HIP1: variants seen among roughly 807,000 people sequenced by gnomAD.
HIP1 encodes huntingtin-interacting protein 1.
A neutral mutation model predicts 147.6 loss-of-function variants in HIP1; 65 were observed. The ratio of observed to expected loss-of-function variants is 0.44; its 90% CI spans 0.36 to 0.54. The LOEUF (loss-of-function observed/expected upper bound fraction) is 0.54. HIP1 is among the 20% of genes least tolerant of loss of function. The pLI is 0.00. For missense variants in HIP1, 1,061 were observed against 1,299.6 expected, an observed-to-expected ratio of 0.82 and a Z score of 2.82; for synonymous variants, 479 against 504.0, an observed-to-expected ratio of 0.95 and a Z score of 0.67.
At chr7:75,636,724 A>G (rs587716392) in intron 1 of HIP1, among the ~76,000 whole-genome samples, 1 of 152,148 alleles carries the variant, frequency 6.6e-6, no homozygotes, top group East Asian at 1.9e-4. Flanking sequence ...ATCTAATATC[A>G]CTTTTGTTTG....
At chr7:75,550,394 T>A (rs1361693653) in intron 22 of HIP1, among the ~76,000 whole-genome samples, 1 of 152,144 alleles carries the variant, frequency 6.6e-6, no homozygotes, top group Admixed American at 6.6e-5. Flanking sequence ...TTCAAGAGCG[T>A]GGTTGTTGTG....
At chr7:75,630,742 T>C (rs1798185326) in intron 1 of HIP1, among the ~76,000 whole-genome samples, 2 of 152,276 alleles carry the variant, frequency 1.3e-5, no homozygotes, top group South Asian at 4.1e-4. Flanking sequence ...CCATCCTTTG[T>C]GCATTGCACC....
intron 1 of HIP1, among the ~76,000 whole-genome samples, chr7:75,668,316 C>CTTTTGTTGTGTATTG (rs1366081377): frequency 1.3e-5 from 2 of 152,070 alleles, no homozygotes; most frequent in Non-Finnish European, 2.9e-5. Flanking sequence ...GACTTCCCAA[C>CTTTTGTTGTGTATTG]TTTTGTTTTG....
At chr7:75,547,914 C>T in intron 23 of HIP1, 101 bp from the exon 24 acceptor site, 1 of 1,091,168 alleles carries the variant, frequency 9.2e-7, no homozygotes, top group South Asian at 1.2e-5. Flanking sequence ...AGCTGGGAAA[C>T]CTGAATCTGG....
chr7:75,570,878 C>T (rs587655094), intron 8 of HIP1, among the ~76,000 whole-genome samples: 21 of 151,832 alleles, frequency 1.4e-4, no homozygotes, highest in Admixed American at 1.1e-3. Flanking sequence ...GGCATGGTGG[C>T]GGGCACCTAT....
At chr7:75,607,074 T>A (rs1349252142) in intron 1 of HIP1, among the ~76,000 whole-genome samples, 18 of 150,510 alleles carry the variant, frequency 1.2e-4, no homozygotes, top group African/African-American at 2.0e-4. Flanking sequence ...TAAAAAAAAA[T>A]TTTTTTTTAA....
rs587658493 is a variant in HIP1, at chr7:75,595,211, T to C, written c.185-2697A>G. Among the ~76,000 whole-genome samples, 4 of 76,676 alleles carry C rather than the reference T, an allele frequency of 5.2e-5. No individual in the cohort carries two copies. In the South Asian group the frequency reaches 2.0e-3, roughly 39 times the overall value. The allele number at this position is 76,676 out of a possible 152,430, so 50.3% of individuals were successfully genotyped here. A position where few individuals can be genotyped will look rare whatever the true frequency, so the allele number is the denominator to read the frequency against. On this transcript the variant is annotated intron_variant, in intron 2 of 30. Coordinates refer to ENST00000336926, the MANE Select transcript of HIP1 (RefSeq NM_005338.7). ...TCCTTTCTTTCTTTCTTTCTTTCTT[T>C]CTTTCTTTCTTTCTTTCTTTCTTTC... is the stretch of plus-strand genomic sequence containing the variant.
chr7:75,663,664 G>A (rs1554513953), intron 1 of HIP1, among the ~76,000 whole-genome samples: 2 of 151,652 alleles, frequency 1.3e-5, no homozygotes, highest in Non-Finnish European at 2.9e-5. Flanking sequence ...TGTACTAGAT[G>A]AGTCCTGACC....
chr7:75,713,837 A>G (rs1192139443), intron 1 of HIP1, among the ~76,000 whole-genome samples: 4 of 150,826 alleles, frequency 2.7e-5, no homozygotes, highest in Admixed American at 1.3e-4. Context: ...AGTAGCTGGG[A>G]CTACAGGCGT....
chr7:75,638,995 G>T (rs532101458), intron 1 of HIP1: 1 of 759,288 alleles, frequency 1.3e-6, no homozygotes, highest in Non-Finnish European at 1.6e-6. Flanking sequence ...AAGGGAGGGC[G>T]CCAGGGCTGG....
chr7:75,546,876 G>T, intron 25 of HIP1, 63 bp downstream of exon 25: 2 of 1,157,528 alleles, frequency 1.7e-6, no homozygotes, highest in Non-Finnish European at 2.5e-6. Context: ...CACAGAGTCC[G>T]TTGGAGCGGG....
chr7:75,694,170 G>C (rs531315367), intron 1 of HIP1, among the ~76,000 whole-genome samples: 1 of 151,768 alleles, frequency 6.6e-6, no homozygotes, highest in African/African-American at 2.4e-5. Context: ...CACCCACCTC[G>C]GCCTCCCAAA....
chr7:75,649,220 C>T (rs547792626), intron 1 of HIP1, among the ~76,000 whole-genome samples: 1 of 152,256 alleles, frequency 6.6e-6, no homozygotes, highest in South Asian at 2.1e-4. Context: ...GACGGGGTTT[C>T]TCCATGTTGG....
At chr7:75,569,564 G>T (rs1401677295) in intron 8 of HIP1, among the ~76,000 whole-genome samples, 1 of 152,030 alleles carries the variant, frequency 6.6e-6, no homozygotes, top group African/African-American at 2.4e-5. Context: ...AGCTACAATC[G>T]CACCACTGCA....
In HIP1 at chr7:75,561,318, C is replaced by A. The variant is rs900891817; in HGVS notation, c.1191+11G>T. 5.0e-6 allele frequency: 8 copies of A among 1,587,136 alleles called. No individual in the cohort carries two copies. The highest frequency in any genetic ancestry group is 4.0e-5 in the African/African-American group (3 of 74,360). On this transcript the variant is annotated intron_variant, in intron 13 of 30. Transcript: ENST00000336926. ...GGTGAAGCGCAAAGGCAGAGCAGAT[C>A]CAAGTTATACCTCAGTCTTCATGTT...
intron 1 of HIP1, among the ~76,000 whole-genome samples, chr7:75,705,414 C>T (rs983140319): frequency 1.3e-5 from 2 of 150,200 alleles, no homozygotes; most frequent in East Asian, 3.9e-4. Flanking sequence ...GTCGCCCAGG[C>T]TGGAGTACAG....
At chr7:75,679,707 T>C (rs1330706046) in intron 1 of HIP1, among the ~76,000 whole-genome samples, 1 of 152,092 alleles carries the variant, frequency 6.6e-6, no homozygotes, top group African/African-American at 2.4e-5. Flanking sequence ...AACCTGTATG[T>C]TAAATGTTGG....
rs145424212 is a variant in HIP1 at position 75,689,498 on chromosome 7, C to T, written c.120+49303G>A. On this transcript the variant is annotated intron_variant, in intron 1 of 30. Transcript: ENST00000336926. ...CAGCCTGGGCAACAGAGCAAGACTCCGCCTCAAATAAATAAATAAAGGTAA... is the reference window on the plus strand; with the variant it reads ...CAGCCTGGGCAACAGAGCAAGACTCTGCCTCAAATAAATAAATAAAGGTAA... Among the ~76,000 whole-genome samples, 407 of 151,964 alleles carry T rather than the reference C, an allele frequency of 2.7e-3. 4 individuals carry two copies. The highest frequency in any genetic ancestry group is 9.2e-3 in the African/African-American group (383 of 41,412).
chr7:75,653,199 C>T (rs1554512215), intron 1 of HIP1, among the ~76,000 whole-genome samples: 3 of 152,066 alleles, frequency 2.0e-5, no homozygotes, highest in Non-Finnish European at 4.4e-5. Flanking sequence ...TCCTATTCCT[C>T]CCCAGGCTGG....
Sources: allele counts gnomAD v4.1 joint callset (sites outside exome capture counted in the v4.1 genomes callset), GRCh38; gene constraint gnomAD v4.1.1; transcripts MANE v1.5; gene names NCBI Gene and HGNC (gene_info 2026-07-23, HGNC 2026-07-21).